The following SPTLC3 variants were observed in gnomAD, a reference collection of about 807,000 sequenced individuals.
SPTLC3 encodes the protein serine palmitoyltransferase long chain base subunit 3, also known as serine palmitoyltransferase 3.
In SPTLC3, 36 loss-of-function variants were observed where a neutral mutation model predicts 59.3. The observed-to-expected ratio is 0.61, with a 90% confidence interval of 0.47 to 0.80. The LOEUF is 0.80. Among genes scored for constraint, SPTLC3 ranks in the 30% least tolerant of loss-of-function variants. The pLI is 0.00. For synonymous variants in SPTLC3, 257 were observed against 240.8 expected (o/e 1.07, Z -0.62); for missense variants, 625 against 685.1 (o/e 0.91, Z 0.98).
chr20:13,037,661 C>T (rs1468879774), intron 1 of SPTLC3, among the ~76,000 whole-genome samples: 2 of 152,140 alleles, frequency 1.3e-5, no homozygotes, highest in Non-Finnish European at 2.9e-5. Context: ...TACAACAGAA[C>T]ATTCCTTCAG....
intron 1 of SPTLC3, among the ~76,000 whole-genome samples, chr20:13,044,510 G>T (rs1416666525): frequency 1.3e-5 from 2 of 152,134 alleles, no homozygotes; most frequent in Admixed American, 1.3e-4. Context: ...GACAAATCCA[G>T]CAAGGAAGCC....
chr20:13,123,797 C>A (rs551760064), intron 8 of SPTLC3, among the ~76,000 whole-genome samples: 1 of 152,324 alleles, frequency 6.6e-6, no homozygotes, highest in East Asian at 1.9e-4. Flanking sequence ...CCTTGAAACA[C>A]CTTGTTCCTG....
At chr20:13,144,342 C>A (rs1600377528) in intron 9 of SPTLC3, among the ~76,000 whole-genome samples, 2 of 152,328 alleles carry the variant, frequency 1.3e-5, no homozygotes, top group East Asian at 3.9e-4. Flanking sequence ...CTGAACACAA[C>A]AGCCACTTAC....
intron 1 of SPTLC3, among the ~76,000 whole-genome samples, chr20:13,028,433 T>G (rs1986265217): frequency 6.6e-6 from 1 of 152,108 alleles, no homozygotes; most frequent in African/African-American, 2.4e-5. Flanking sequence ...ATTCAAAAGA[T>G]CTAATAACCC....
Position 13,076,468 on chromosome 20 carries a change from A to G in SPTLC3, c.607+1971A>G, listed in dbSNP as rs1988649398. On this transcript the variant is annotated intron_variant, in intron 4 of 11. Transcript: ENST00000399002. ...GAACCTACAAGTTCATGAATATTTA[A>G]TCACTAAAAAATAACTCCTCAGAGC... 2.0e-5 allele frequency among the ~76,000 whole-genome samples: 3 copies of G among 152,224 alleles called. No individual in the cohort carries two copies. The South Asian group carries it at 6.2e-4, about 31-fold the overall frequency.
rs180849396 is a variant in SPTLC3, at chr20:13,062,504, C to T, written c.304-9752C>T. ...TATATATTTACACACACACATATCA[C>T]TTGCACAAAGCCAGTATGTGAATGA... On this transcript the variant is annotated intron_variant, in intron 2 of 11. Transcript: ENST00000399002. Among the ~76,000 whole-genome samples the T allele has an allele frequency of 4.5e-3, 686 of 152,308 alleles. 2 individuals carry two copies. The highest frequency in any genetic ancestry group is 7.0e-3 in the Non-Finnish European group (479 of 68,026).
chr20:13,092,441 C>A (rs1989258300), intron 5 of SPTLC3, among the ~76,000 whole-genome samples: 2 of 152,194 alleles, frequency 1.3e-5, no homozygotes, highest in South Asian at 4.1e-4. Context: ...TTGCACCAAA[C>A]AACATCAAAC....
intron 4 of SPTLC3, among the ~76,000 whole-genome samples, chr20:13,089,208 C>T (rs1016478103): frequency 3.9e-5 from 6 of 152,144 alleles, no homozygotes; most frequent in South Asian, 2.1e-4. Flanking sequence ...ATGTTTATAG[C>T]GGCCCTAAAC....
rs139744244 is a variant in SPTLC3, at chr20:13,168,189, T to C, written c.*3322T>C. ...TTTCTTTTCTTTCTTTCTTTTTTTT[T>C]TTTTTTTTGAGACAGAGTTTTGTTC... On this transcript the variant is annotated 3_prime_UTR_variant, in exon 12 of 12. Transcript: ENST00000399002. 4,084 of 151,724 alleles carry C rather than the reference T, an allele frequency of 0.027. 84 individuals carry two copies. Among genetic ancestry groups the C allele is most frequent in the Non-Finnish European group, 0.04 (2,709 of 67,964 alleles). 9.4% of individuals were successfully genotyped at this position (151,724 alleles called of 1,614,324 possible). A position where few individuals can be genotyped will look rare whatever the true frequency, so the allele number is the denominator to read the frequency against.
intron 1 of SPTLC3, among the ~76,000 whole-genome samples, chr20:13,021,902 T>C (rs558168472): frequency 1.6e-4 from 25 of 152,294 alleles, no homozygotes; most frequent in African/African-American, 5.5e-4. Context: ...TAGATAGATA[T>C]AGATAAGTAG....
chr20:13,076,127 A>T (rs1988637819), intron 4 of SPTLC3, among the ~76,000 whole-genome samples: 1 of 152,226 alleles, frequency 6.6e-6, no homozygotes, highest in Admixed American at 6.5e-5. Context: ...TCAAGTAAAT[A>T]GTGAAAGACT....
Position 13,074,496 on chromosome 20 carries a change from G to A in SPTLC3, c.606G>A (p.Met202Ile). The change falls in exon 4 of 12, where the codon ATG becomes ATA. Residue 202 changes from methionine (M) to isoleucine (I), a missense_variant and splice_region_variant. By Grantham distance (10) the Met-to-Ile change is conservative (BLOSUM62 1). Coordinates refer to ENST00000399002, the MANE Select transcript of SPTLC3 (RefSeq NM_018327.4). ...GTGVASTRHEMGTLDKHKELE... is the reference protein window; with the variant it reads ...GTGVASTRHEIGTLDKHKELE... Reference sequence around the variant, plus strand: ...GCGTGGCCAGCACCAGGCATGAAATGGGTATGTACATTCACTGTTTTGAAA... The same window carrying A: ...GCGTGGCCAGCACCAGGCATGAAATAGGTATGTACATTCACTGTTTTGAAA... 1 of 1,609,456 alleles carries A rather than the reference G, an allele frequency of 6.2e-7. No homozygotes were observed. Among genetic ancestry groups the A allele is most frequent in the Non-Finnish European group, 8.5e-7 (1 of 1,177,810 alleles).
intron 1 of SPTLC3, among the ~76,000 whole-genome samples, chr20:13,033,422 G>T (rs1352606061): frequency 6.6e-6 from 1 of 152,160 alleles, no homozygotes; most frequent in African/African-American, 2.4e-5. Context: ...AATCTTTAAT[G>T]TGTAGCTTCC....
chr20:13,010,945 G>A (rs147634300), intron 1 of SPTLC3, among the ~76,000 whole-genome samples: 5 of 152,264 alleles, frequency 3.3e-5, no homozygotes, highest in Non-Finnish European at 7.3e-5. Flanking sequence ...ATGAAGTGCA[G>A]CTGCAAGACT....
At chr20:13,147,609 G>A (rs1428309727) in intron 9 of SPTLC3, among the ~76,000 whole-genome samples, 1 of 152,170 alleles carries the variant, frequency 6.6e-6, no homozygotes, top group Non-Finnish European at 1.5e-5. Flanking sequence ...TTAGACCACT[G>A]CAGGCATTCT....
intron 8 of SPTLC3, among the ~76,000 whole-genome samples, chr20:13,120,951 C>T (rs912041502): frequency 1.3e-5 from 2 of 152,222 alleles, no homozygotes; most frequent in African/African-American, 2.4e-5. Flanking sequence ...CTTTCAAGAC[C>T]TTCCTGATGA....
In SPTLC3 at chr20:13,167,966, G is replaced by A. The variant is rs2039004889; in HGVS notation, c.*3099G>A. 6.6e-6 allele frequency: 1 copy of A among 152,080 alleles called. No homozygotes were observed. Among genetic ancestry groups the A allele is most frequent in the Admixed American group, 6.5e-5 (1 of 15,276 alleles). The allele number at this position is 152,080 out of a possible 1,614,324, so 9.4% of individuals were successfully genotyped here. On this transcript the variant is annotated 3_prime_UTR_variant, in exon 12 of 12. Transcript: ENST00000399002. ...GTTCATAATTAAGTGTATATATACTGGTAAAATTAATTTATTCCACAGTCA... is the reference window on the plus strand; with the variant it reads ...GTTCATAATTAAGTGTATATATACTAGTAAAATTAATTTATTCCACAGTCA...
In SPTLC3 at chr20:13,110,086, A is replaced by G. The variant is rs200466273; in HGVS notation, c.827-26A>G. Reference sequence around the variant, plus strand: ...GAAAAGTAAACCCTTTCATGACTCAATTTTTTTTTTTGGTATTATTTAAAG... The same window carrying G: ...GAAAAGTAAACCCTTTCATGACTCAGTTTTTTTTTTTGGTATTATTTAAAG... On this transcript the variant is annotated intron_variant, in intron 6 of 11. Transcript: ENST00000399002. 171 of 1,185,016 alleles carry G rather than the reference A, an allele frequency of 1.4e-4. No homozygotes were observed. The African/African-American group carries it at 2.4e-3, about 17-fold the overall frequency. 73.4% of individuals were successfully genotyped at this position (1,185,016 alleles called of 1,614,324 possible).
intron 7 of SPTLC3, among the ~76,000 whole-genome samples, chr20:13,116,385 C>A (rs1990550546): frequency 6.6e-6 from 1 of 152,158 alleles, no homozygotes; most frequent in Non-Finnish European, 1.5e-5. Flanking sequence ...GTACAACTTG[C>A]CTGTCAATGC....
Sources: gnomAD v4.1 joint callset for allele counts (sites outside exome capture counted in the v4.1 genomes callset) on GRCh38, gnomAD v4.1.1 for gene constraint, MANE v1.5 for transcripts, NCBI Gene and HGNC (gene_info 2026-07-23, HGNC 2026-07-21) for gene names.